The following HNRNPC variants were observed in gnomAD, a reference collection of about 807,000 sequenced individuals.
HNRNPC encodes heterogeneous nuclear ribonucleoproteins C1/C2.
HNRNPC carries 3 observed loss-of-function variants against 33.2 expected under a neutral mutation model. The observed-to-expected ratio is 0.09, with a 90% CI of 0.04 to 0.23. HNRNPC has a LOEUF of 0.23. Ranked by LOEUF, HNRNPC falls within the 10% of genes least tolerant of loss-of-function variation. The probability of loss-of-function intolerance (pLI) is 1.00; values close to 1 mark genes in which losing one functional copy is unlikely to be tolerated. For missense variants in HNRNPC, 143 were observed against 366.7 expected (o/e 0.39, Z 4.98); for synonymous variants, 121 against 126.7 (o/e 0.96, Z 0.30).
At chr14:21,264,635 G>GC (rs1234236490) in intron 1 of HNRNPC, 3 of 152,156 alleles carry the variant, frequency 2.0e-5, no homozygotes, top group African/African-American at 7.2e-5. Flanking sequence ...AATAGGAACT[G>GC]CAATTAGACT....
At chr14:21,237,251 T>C (rs1156281212) in intron 2 of HNRNPC, among the ~76,000 whole-genome samples, 2 of 152,230 alleles carry the variant, frequency 1.3e-5, no homozygotes, top group African/African-American at 4.8e-5. Flanking sequence ...TAGCACTTTC[T>C]CACTTTTAAA....
intron 1 of HNRNPC, 82 bp from the exon 2 acceptor site, chr14:21,263,418 T>C (rs574817795): frequency 6.6e-6 from 1 of 152,524 alleles, no homozygotes; most frequent in African/African-American, 2.4e-5. Flanking sequence ...GTTCATTTCT[T>C]TTCTCTTTCC....
intron 2 of HNRNPC, among the ~76,000 whole-genome samples, chr14:21,261,656 G>A (rs566711546): frequency 1.3e-5 from 2 of 152,218 alleles, no homozygotes; most frequent in Admixed American, 6.5e-5. Context: ...ACACTTTGGG[G>A]GTGTCAAGGC....
chr14:21,218,178 G>A (rs566078740), intron 5 of HNRNPC, among the ~76,000 whole-genome samples: 1 of 152,216 alleles, frequency 6.6e-6, no homozygotes, highest in South Asian at 2.1e-4. Context: ...AGCCAGGCTG[G>A]TCATGAGCTC....
chr14:21,230,389 G>T (rs770306180), intron 4 of HNRNPC, 23 bp from the exon 5 acceptor site: 11 of 1,584,528 alleles, frequency 6.9e-6, no homozygotes, highest in Non-Finnish European at 9.5e-6. Context: ...TACCGAAAAG[G>T]GTTAATTTGG....
chr14:21,254,922 CAAAAAAA>C (rs11451334), intron 2 of HNRNPC, among the ~76,000 whole-genome samples: 1 of 102,224 alleles, frequency 9.8e-6, no homozygotes, highest in South Asian at 3.2e-4. Flanking sequence ...ACTCTAGTCT[CAAAAAAA>C]AAACAAAAAA....
At chr14:21,250,765 A>G (rs1371883625) in intron 2 of HNRNPC, among the ~76,000 whole-genome samples, 1 of 152,222 alleles carries the variant, frequency 6.6e-6, no homozygotes, top group Non-Finnish European at 1.5e-5. Flanking sequence ...ACTCCTGCCA[A>G]AAAGTCCACC....
At chr14:21,260,199 CA>C (rs539169114) in intron 2 of HNRNPC, among the ~76,000 whole-genome samples, 554 of 94,968 alleles carry the variant, frequency 5.8e-3, no homozygotes, top group African/African-American at 0.012. Context: ...GACTCCATCT[CA>C]AAAAAAAAAA....
chr14:21,256,446 T>C (rs1877225046), intron 2 of HNRNPC, among the ~76,000 whole-genome samples: 1 of 150,636 alleles, frequency 6.6e-6, no homozygotes. Flanking sequence ...CAAAACTCCA[T>C]CTCCCCCCCA....
intron 2 of HNRNPC, among the ~76,000 whole-genome samples, chr14:21,237,321 G>A (rs1399600235): frequency 6.6e-6 from 1 of 152,134 alleles, no homozygotes; most frequent in African/African-American, 2.4e-5. Context: ...AAAAATAAAC[G>A]TGATGCATTT....
chr14:21,262,787 T>C (rs757691566), intron 2 of HNRNPC: 2 of 152,168 alleles, frequency 1.3e-5, no homozygotes, highest in African/African-American at 2.4e-5. Context: ...GAAAATGCCA[T>C]CACGATCATA....
At chr14:21,249,934 A>G (rs1364406811) in intron 2 of HNRNPC, among the ~76,000 whole-genome samples, 2 of 152,224 alleles carry the variant, frequency 1.3e-5, no homozygotes, top group Admixed American at 1.3e-4. Flanking sequence ...TGACTTCAGT[A>G]AGGTCAATAC....
intron 5 of HNRNPC, among the ~76,000 whole-genome samples, chr14:21,223,893 G>A (rs1893130431): frequency 6.6e-6 from 1 of 152,168 alleles, no homozygotes; most frequent in Admixed American, 6.5e-5. Flanking sequence ...CAGTGGAGCT[G>A]TGAGCAAATC....
intron 1 of HNRNPC, among the ~76,000 whole-genome samples, chr14:21,267,720 G>GAT (rs1394442488): frequency 6.6e-6 from 1 of 152,136 alleles, no homozygotes; most frequent in Non-Finnish European, 1.5e-5. Context: ...TTGGTGCGCT[G>GAT]ATATACATAC....
chr14:21,247,324 C>CA (rs1299711362), intron 2 of HNRNPC, among the ~76,000 whole-genome samples: 1 of 152,170 alleles, frequency 6.6e-6, no homozygotes, highest in African/African-American at 2.4e-5. Context: ...AAAGTATAAA[C>CA]AACCCCTCTC....
chr14:21,213,228 T>A lies in HNRNPC; in HGVS notation c.366-111A>T, dbSNP rs1230185060. ...AATATTGTCTCTAGTCGTTTCCTTT[T>A]ATTAAATTTCATTAAGAAGGCCAGC... On this transcript the variant is annotated intron_variant, in intron 5 of 8. Coordinates refer to ENST00000553300, the MANE Select transcript of HNRNPC (RefSeq NM_004500.4). The A allele has an allele frequency of 3.4e-6, 4 of 1,162,958 alleles. No homozygotes were observed. The East Asian group carries it at 8.0e-5, about 23-fold the overall frequency. 72.0% of individuals were successfully genotyped at this position (1,162,958 alleles called of 1,614,324 possible).
At chr14:21,211,350 A>G (rs1424524485) in intron 8 of HNRNPC, 44 bp from the exon 9 acceptor site, 2 of 1,613,080 alleles carry the variant, frequency 1.2e-6, no homozygotes, top group Non-Finnish European at 8.5e-7. Context: ...GAGGCACTCC[A>G]TGTGTCCCTG....
intron 5 of HNRNPC, 90 bp from the exon 6 acceptor site, chr14:21,213,207 T>A: frequency 7.7e-7 from 1 of 1,302,090 alleles, no homozygotes; most frequent in Non-Finnish European, 1.1e-6. Flanking sequence ...TAAGTGAATA[T>A]TGTCTCTAGT....
intron 5 of HNRNPC, among the ~76,000 whole-genome samples, chr14:21,220,365 C>T: frequency 6.6e-6 from 1 of 151,618 alleles, no homozygotes; most frequent in African/African-American, 2.4e-5. Flanking sequence ...CAGCCTTGTA[C>T]TACAGGCGCC....
Sources: gnomAD v4.1 joint callset for allele counts (sites outside exome capture counted in the v4.1 genomes callset) on GRCh38, gnomAD v4.1.1 for gene constraint, MANE v1.5 for transcripts, NCBI Gene and HGNC (gene_info 2026-07-23, HGNC 2026-07-21) for gene names.